PPP2R1B: variants seen among roughly 807,000 people sequenced by gnomAD.
The protein encoded by PPP2R1B is serine/threonine-protein phosphatase 2A 65 kDa regulatory subunit A beta isoform.
A neutral mutation model predicts 72.7 loss-of-function variants in PPP2R1B; 58 were observed. The ratio of observed to expected loss-of-function variants is 0.80; its 90% CI spans 0.65 to 0.99. PPP2R1B has a LOEUF of 0.99. PPP2R1B is among the 50% of genes least tolerant of loss of function. The pLI is 0.00. For synonymous variants in PPP2R1B, 256 were observed against 264.6 expected, an observed-to-expected ratio of 0.97 and a Z score of 0.32; for missense variants, 695 against 733.6, an observed-to-expected ratio of 0.95 and a Z score of 0.61.
In PPP2R1B at chr11:111,741,687, T is replaced by A; in HGVS notation, c.1790-75A>T. On this transcript the variant is annotated intron_variant, in intron 14 of 14. Transcript: ENST00000527614. ...CGATCTATGTGAATATTAAGCACAA[T>A]AACAATGATCCAAACGTATCAAACT... 13 of 1,491,314 alleles carry A rather than the reference T, an allele frequency of 8.7e-6. 1 individual carries two copies. The South Asian group carries it at 1.5e-4, about 18-fold the overall frequency. The allele number at this position is 1,491,314 out of a possible 1,614,324, so 92.4% of individuals were successfully genotyped here. A position where few individuals can be genotyped will look rare whatever the true frequency, so the allele number is the denominator to read the frequency against.
rs1294441492 is a variant in PPP2R1B at position 111,738,797 on chromosome 11, G to A, written c.*2799C>T. On this transcript the variant is annotated 3_prime_UTR_variant, in exon 15 of 15. Transcript: ENST00000527614. The stretch of plus-strand genomic sequence containing the variant: ...GACCTGGTCTCTTAAACCTGTGAGG[G>A]GTAAACCCCACACAAATTACAGAGA... The A allele has an allele frequency of 2.0e-6, 2 of 985,256 alleles. No homozygotes were observed. The highest frequency in any genetic ancestry group is 4.7e-5 in the South Asian group (1 of 21,268). 61.0% of individuals were successfully genotyped at this position (985,256 alleles called of 1,614,324 possible).
chr11:111,762,620 A>C (rs543785710), intron 3 of PPP2R1B, among the ~76,000 whole-genome samples: 1 of 151,450 alleles, frequency 6.6e-6, no homozygotes, highest in African/African-American at 2.4e-5. Context: ...CAGTGGCACA[A>C]TCATGGCTCA....
downstream of PPP2R1B, chr11:111,723,871 C>T: frequency 6.2e-7 from 1 of 1,613,792 alleles, no homozygotes; most frequent in Non-Finnish European, 8.5e-7. Flanking sequence ...CCCCAGCCCC[C>T]TTACAGTTCT....
chr11:111,709,061 A>G, the PPP2R1B span, among the ~76,000 whole-genome samples: 1 of 152,222 alleles, frequency 6.6e-6, no homozygotes, highest in Non-Finnish European at 1.5e-5. Context: ...CCGTAACGAA[A>G]TACCACAGAC....
In PPP2R1B at chr11:111,738,292, TAA is replaced by T. The variant is rs1944400453; in HGVS notation, c.*3302_*3303del. 1.0e-6 allele frequency: 1 copy of T among 985,388 alleles called. No individual in the cohort carries two copies. The highest frequency in any genetic ancestry group is 1.2e-6 in the Non-Finnish European group (1 of 830,000). The allele number at this position is 985,388 out of a possible 1,614,324, so 61.0% of individuals were successfully genotyped here. A position where few individuals can be genotyped will look rare whatever the true frequency, so the allele number is the denominator to read the frequency against. ...TTTACGATAAGAGTGTCACCATTTT[TAA>T]AAGTCAGAGGAATTTAAGTAAAAGG... On this transcript the variant is annotated 3_prime_UTR_variant, in exon 15 of 15. Coordinates refer to ENST00000527614, the MANE Select transcript of PPP2R1B (RefSeq NM_002716.5).
At chr11:111,688,919 G>A in the PPP2R1B span, among the ~76,000 whole-genome samples, 1 of 152,144 alleles carries the variant, frequency 6.6e-6, no homozygotes, top group Non-Finnish European at 1.5e-5. This position sits in a 1 kb window ranked among gnomAD's most constrained non-coding sequence, Gnocchi z 4.2. Context: ...AAAAAATACA[G>A]TATGATAGTT....
At chr11:111,702,619 C>T in the PPP2R1B span, among the ~76,000 whole-genome samples, 6 of 152,222 alleles carry the variant, frequency 3.9e-5, no homozygotes, top group African/African-American at 7.2e-5. Flanking sequence ...CTTAGCACAG[C>T]GCCTGCCATA....
At chr11:111,750,753 T>C (rs1555047604) in intron 10 of PPP2R1B, among the ~76,000 whole-genome samples, 1 of 152,200 alleles carries the variant, frequency 6.6e-6, no homozygotes, top group Non-Finnish European at 1.5e-5. Flanking sequence ...GTAACACTGA[T>C]CACGAAACTC....
In PPP2R1B at chr11:111,741,344, G is replaced by A. The variant is rs1944511531; in HGVS notation, c.*252C>T. 2.3e-6 allele frequency: 3 copies of A among 1,327,518 alleles called. No individual in the cohort carries two copies. Among genetic ancestry groups the A allele is most frequent in the Non-Finnish European group, 2.9e-6 (3 of 1,039,352 alleles). 82.2% of individuals were successfully genotyped at this position (1,327,518 alleles called of 1,614,324 possible). On this transcript the variant is annotated 3_prime_UTR_variant, in exon 15 of 15. Coordinates refer to ENST00000527614, the MANE Select transcript of PPP2R1B (RefSeq NM_002716.5). ...CCAGGTGGTGATGGATAAAGCATTA[G>A]GAGACAATCAAGTGTCAGGAATTGG...
the PPP2R1B span, among the ~76,000 whole-genome samples, chr11:111,708,025 T>C: frequency 6.6e-6 from 1 of 152,222 alleles, no homozygotes; most frequent in African/African-American, 2.4e-5. Context: ...TCCTAGCCAC[T>C]GTGGCTTCAG....
chr11:111,707,829 C>G, the PPP2R1B span, among the ~76,000 whole-genome samples: 1 of 152,174 alleles, frequency 6.6e-6, no homozygotes, highest in East Asian at 1.9e-4. Flanking sequence ...TGGAATCATG[C>G]AGACCTTGGG....
Position 111,766,386 on chromosome 11 carries a change from C to G in PPP2R1B, c.-25G>C. The G allele has an allele frequency of 2.4e-6, 1 of 414,860 alleles. No individual in the cohort carries two copies. The highest frequency in any genetic ancestry group is 3.7e-6 in the Non-Finnish European group (1 of 270,132). The allele number at this position is 414,860 out of a possible 1,614,324, so 25.7% of individuals were successfully genotyped here. The stretch of plus-strand genomic sequence containing the variant: ...TGTTCTTTCTCCTCCTGCTGCTGGT[C>G]ACCGCCTCCCGCCCCGCGCCCAGGC... On this transcript the variant is annotated 5_prime_UTR_variant, in exon 1 of 15. Coordinates refer to ENST00000527614, the MANE Select transcript of PPP2R1B (RefSeq NM_002716.5).
downstream of PPP2R1B, chr11:111,723,939 C>G (rs1565400061): frequency 4.3e-6 from 7 of 1,614,136 alleles, no homozygotes; most frequent in Admixed American, 1.2e-4. Context: ...TATCCCACTC[C>G]CTGTCAGTAT....
chr11:111,753,502 C>T lies in PPP2R1B; in HGVS notation c.1105G>A (p.Gly369Ser). The change falls in exon 9 of 15, where the codon GGC becomes AGC. Residue 369 changes from glycine (G) to serine (S), a missense_variant. Physicochemically the swap from Gly to Ser is moderately conservative, Grantham distance 56. Coordinates refer to ENST00000527614, the MANE Select transcript of PPP2R1B (RefSeq NM_002716.5). The stretch of plus-strand genomic sequence containing the variant: ...AGATGTTCAATGGTATTTTCTTTGC[C>T]CAAAATAGTAGACAATCCCATAATT... The part of the protein sequence containing the change: ...SVIMGLSTIL[G>S]KENTIEHLLP... The T allele has an allele frequency of 6.2e-7, 1 of 1,613,484 alleles. No individual in the cohort carries two copies. The highest frequency in any genetic ancestry group is 8.5e-7 in the Non-Finnish European group (1 of 1,179,636).
the PPP2R1B span, chr11:111,701,612 G>C: frequency 6.4e-5 from 102 of 1,604,118 alleles, no homozygotes; most frequent in Non-Finnish European, 8.1e-5. This position sits in a 1 kb window ranked among gnomAD's most constrained non-coding sequence, Gnocchi z 4.2. Flanking sequence ...GTGTTTTACA[G>C]TGTTAGTGCT....
intron 12 of PPP2R1B, among the ~76,000 whole-genome samples, chr11:111,742,902 C>A (rs1199665346): frequency 4.0e-5 from 6 of 149,050 alleles, no homozygotes; most frequent in Admixed American, 6.7e-5. Context: ...TTTTTTCAGG[C>A]GGAGTTTTGC....
At chr11:111,713,964 C>G in the PPP2R1B span, among the ~76,000 whole-genome samples, 1 of 151,396 alleles carries the variant, frequency 6.6e-6, no homozygotes, top group African/African-American at 2.4e-5. Flanking sequence ...AAGACTGCAT[C>G]TCAAAAAAAA....
At chr11:111,701,317 A>G in the PPP2R1B span, 2 of 1,253,130 alleles carry the variant, frequency 1.6e-6, no homozygotes, top group Non-Finnish European at 2.2e-6. The surrounding 1 kb of genome is among the most constrained non-coding windows in gnomAD (Gnocchi z 4.2). Flanking sequence ...GATTTTTTTC[A>G]AATTCTGAGA....
chr11:111,703,292 A>T, the PPP2R1B span: 2 of 1,614,200 alleles, frequency 1.2e-6, no homozygotes, highest in Non-Finnish European at 1.7e-6. Flanking sequence ...ATGGATGCTC[A>T]TAGAAGTTCC....
Sources: gnomAD v4.1 joint callset for allele counts (sites outside exome capture counted in the v4.1 genomes callset) on GRCh38, gnomAD v4.1.1 for gene constraint, Gnocchi (gnomAD v3.1) non-coding constraint, MANE v1.5 for transcripts, NCBI Gene and HGNC (gene_info 2026-07-23, HGNC 2026-07-21) for gene names.